NELL1: variants seen among roughly 807,000 people sequenced by gnomAD.
NELL1 encodes the protein neural EGFL like 1, also known as protein kinase C-binding protein NELL1.
A neutral mutation model predicts 107.4 loss-of-function variants in NELL1; 76 were observed. The ratio of observed to expected loss-of-function variants is 0.71; its 90% CI spans 0.59 to 0.86. NELL1 has a LOEUF of 0.86. Ranked by LOEUF, NELL1 falls within the 40% of genes least tolerant of loss-of-function variation. The pLI is 0.00. For missense variants in NELL1, 1,024 were observed against 1,005.5 expected (o/e 1.02, Z -0.25); for synonymous variants, 353 against 341.2 (o/e 1.03, Z -0.38).
intron 2 of NELL1, among the ~76,000 whole-genome samples, chr11:20,755,096 C>T (rs1233727645): frequency 6.6e-6 from 1 of 152,192 alleles, no homozygotes; most frequent in Non-Finnish European, 1.5e-5. Flanking sequence ...TTTCTGCTCC[C>T]TCCTTTTCCC....
intron 15 of NELL1, among the ~76,000 whole-genome samples, chr11:21,437,724 G>A (rs1853161077): frequency 6.6e-6 from 1 of 152,060 alleles, no homozygotes; most frequent in Admixed American, 6.6e-5. Context: ...TGTTTTTTAT[G>A]CATGATTTTG....
intron 15 of NELL1, among the ~76,000 whole-genome samples, chr11:21,410,922 C>G (rs1852360487): frequency 6.6e-6 from 1 of 151,932 alleles, no homozygotes; most frequent in Non-Finnish European, 1.5e-5. Flanking sequence ...GAATTTCTTC[C>G]CCCACCCCCA....
chr11:21,121,145 AC>A, intron 13 of NELL1, among the ~76,000 whole-genome samples: 1 of 152,198 alleles, frequency 6.6e-6, no homozygotes, highest in Non-Finnish European at 1.5e-5. Context: ...GTCAAGAGCC[AC>A]TGCTTTAGCA....
chr11:21,374,861 G>T (rs1851433632), intron 15 of NELL1, among the ~76,000 whole-genome samples: 1 of 149,524 alleles, frequency 6.7e-6, no homozygotes, highest in African/African-American at 2.5e-5. Context: ...TCAGCTACCA[G>T]GCTGTGTGGA....
intron 12 of NELL1, among the ~76,000 whole-genome samples, chr11:20,997,988 CAA>C (rs898216248): frequency 5.3e-5 from 8 of 151,312 alleles, no homozygotes; most frequent in African/African-American, 2.0e-4. Flanking sequence ...AACAAACAAA[CAA>C]AAAATGAATA....
chr11:20,933,161 G>T (rs1029960261), intron 9 of NELL1, among the ~76,000 whole-genome samples: 6 of 152,226 alleles, frequency 3.9e-5, no homozygotes, highest in Admixed American at 3.3e-4. Flanking sequence ...AGGTGGTGGG[G>T]GATATGGGAC....
intron 12 of NELL1, among the ~76,000 whole-genome samples, chr11:21,023,457 G>T (rs1421246961): frequency 6.6e-6 from 1 of 152,016 alleles, no homozygotes; most frequent in African/African-American, 2.4e-5. Flanking sequence ...TTATCACTGG[G>T]TAGCGGCAAT....
chr11:20,695,637 G>T (rs932517328), intron 2 of NELL1, among the ~76,000 whole-genome samples: 3 of 152,038 alleles, frequency 2.0e-5, no homozygotes, highest in Non-Finnish European at 4.4e-5. Context: ...TGATCATGAT[G>T]AATTAACTTT....
At chr11:20,976,333 A>G (rs892350720) in intron 12 of NELL1, among the ~76,000 whole-genome samples, 1 of 152,048 alleles carries the variant, frequency 6.6e-6, no homozygotes, top group African/African-American at 2.4e-5. Context: ...GTAATTGGCC[A>G]AAACACAATC....
At chr11:20,854,311 A>G (rs1202345264) in intron 4 of NELL1, among the ~76,000 whole-genome samples, 1 of 152,194 alleles carries the variant, frequency 6.6e-6, no homozygotes, top group Non-Finnish European at 1.5e-5. Context: ...GGCTAGGACT[A>G]GATGACTTTT....
intron 3 of NELL1, among the ~76,000 whole-genome samples, chr11:20,793,903 T>TTTAAAAATATTGGA (rs1857122092): frequency 6.6e-6 from 1 of 152,196 alleles, no homozygotes; most frequent in Non-Finnish European, 1.5e-5. Flanking sequence ...TTTTGATACA[T>TTTAAAAATATTGGA]TTAAAAATAA....
intron 2 of NELL1, among the ~76,000 whole-genome samples, chr11:20,783,193 T>C (rs888948606): frequency 1.3e-5 from 2 of 152,190 alleles, no homozygotes; most frequent in Non-Finnish European, 2.9e-5. Flanking sequence ...GGAAGCTGTG[T>C]CCATGGAAAA....
intron 14 of NELL1, among the ~76,000 whole-genome samples, chr11:21,307,738 T>C (rs1411100321): frequency 6.6e-6 from 1 of 151,926 alleles, no homozygotes; most frequent in Admixed American, 6.6e-5. Context: ...TATTCTAAGA[T>C]AACAGGCAAA....
chr11:21,483,596 T>C (rs1213781496), intron 15 of NELL1, among the ~76,000 whole-genome samples: 1 of 152,020 alleles, frequency 6.6e-6, no homozygotes, highest in African/African-American at 2.4e-5. Flanking sequence ...ATCAAGATTT[T>C]TGAAAATCTT....
intron 15 of NELL1, among the ~76,000 whole-genome samples, chr11:21,464,021 G>A (rs537245846): frequency 4.6e-5 from 7 of 152,192 alleles, no homozygotes; most frequent in African/African-American, 1.4e-4. Context: ...CTTCCTCAAA[G>A]CATGGTCGCC....
At chr11:21,129,336 G>A (rs969018584) in intron 13 of NELL1, among the ~76,000 whole-genome samples, 1 of 152,066 alleles carries the variant, frequency 6.6e-6, no homozygotes, top group African/African-American at 2.4e-5. Context: ...AAAATAGTTT[G>A]GTGGTTCATC....
At chr11:21,176,009 A>G (rs535073834) in intron 13 of NELL1, among the ~76,000 whole-genome samples, 1 of 151,882 alleles carries the variant, frequency 6.6e-6, no homozygotes, top group African/African-American at 2.4e-5. Flanking sequence ...CTTTTCTGCT[A>G]AAAGTCCTTC....
intron 14 of NELL1, among the ~76,000 whole-genome samples, chr11:21,303,288 C>T (rs573787774): frequency 3.3e-5 from 5 of 151,848 alleles, no homozygotes; most frequent in Non-Finnish European, 7.4e-5. Flanking sequence ...AAAATGTATA[C>T]TTTAAGATAT....
chr11:20,895,929 A>G (rs1198811935), intron 5 of NELL1, among the ~76,000 whole-genome samples: 1 of 151,980 alleles, frequency 6.6e-6, no homozygotes, highest in East Asian at 1.9e-4. Flanking sequence ...TTCATTGTGT[A>G]TATAGGCCAC....
Sources: allele counts gnomAD v4.1 joint callset (sites outside exome capture counted in the v4.1 genomes callset), GRCh38; gene constraint gnomAD v4.1.1; transcripts MANE v1.5; gene names NCBI Gene and HGNC (gene_info 2026-07-23, HGNC 2026-07-21).